The following EPHA6 variants were observed in gnomAD, a reference collection of about 807,000 sequenced individuals.
EPHA6 encodes EPH receptor A6, also known as ephrin type-A receptor 6.
Under a neutral mutation model 112.0 loss-of-function variants are expected in EPHA6, and 50 were observed. That is an observed-to-expected ratio of 0.45 (90% confidence interval 0.36 to 0.56). The LOEUF is 0.56. Ranked by LOEUF, EPHA6 falls within the 20% of genes least tolerant of loss-of-function variation. The pLI, the probability that EPHA6 is intolerant of heterozygous loss-of-function variation, is 0.00. For synonymous variants in EPHA6, 529 were observed against 490.7 expected (o/e 1.08, Z -1.03); for missense variants, 1,280 against 1,417.4 (o/e 0.90, Z 1.56).
At chr3:97,675,873 G>A (rs1216863162) in intron 14 of EPHA6, among the ~76,000 whole-genome samples, 1 of 152,036 alleles carries the variant, frequency 6.6e-6, no homozygotes, top group Admixed American at 6.6e-5. Flanking sequence ...AAAAGTGGAG[G>A]AATTAAAAGT....
intron 5 of EPHA6, among the ~76,000 whole-genome samples, chr3:97,347,066 A>G (rs897896598): frequency 6.6e-6 from 1 of 152,100 alleles, no homozygotes; most frequent in African/African-American, 2.4e-5. Context: ...GAAAAATGGT[A>G]ATTGGAGAGA....
At chr3:97,414,715 T>C (rs955626673) in intron 6 of EPHA6, among the ~76,000 whole-genome samples, 11 of 152,022 alleles carry the variant, frequency 7.2e-5, no homozygotes, top group Non-Finnish European at 1.5e-4. Flanking sequence ...ATTTTTGCCT[T>C]GGAGAGTAAA....
chr3:97,250,231 T>C (rs2079096847), intron 5 of EPHA6, among the ~76,000 whole-genome samples: 2 of 152,344 alleles, frequency 1.3e-5, no homozygotes, highest in Admixed American at 1.3e-4. Context: ...GTTCACTAAA[T>C]CCTCTGGTGC....
At chr3:97,305,115 C>G (rs965187225) in intron 5 of EPHA6, among the ~76,000 whole-genome samples, 2 of 151,940 alleles carry the variant, frequency 1.3e-5, no homozygotes, top group African/African-American at 2.4e-5. Flanking sequence ...ATCTGGCCAA[C>G]AAACATCTGA....
At chr3:97,217,752 T>C (rs1331370478) in intron 3 of EPHA6, among the ~76,000 whole-genome samples, 1 of 152,166 alleles carries the variant, frequency 6.6e-6, no homozygotes, top group Non-Finnish European at 1.5e-5. Flanking sequence ...ATGGTCCATG[T>C]AGGGAGTGGC....
chr3:97,311,592 A>G (rs1478193603), intron 5 of EPHA6, among the ~76,000 whole-genome samples: 2 of 151,730 alleles, frequency 1.3e-5, no homozygotes, highest in African/African-American at 4.8e-5. Context: ...AAGAAATTTA[A>G]AAATTCAAAT....
Position 97,110,506 on chromosome 3 carries a change from C to T in EPHA6, c.1115-115758C>T, listed in dbSNP as rs553262497. On this transcript the variant is annotated intron_variant, in intron 3 of 17. Transcript: ENST00000389672. ...CAGAAATGTTAGATTGCCAGTATAA[C>T]TCCTTCATTTTATTATATTATTTAT... 2.6e-5 allele frequency among the ~76,000 whole-genome samples: 4 copies of T among 151,392 alleles called. No homozygotes were observed. The East Asian group carries it at 7.8e-4, about 29-fold the overall frequency.
intron 11 of EPHA6, among the ~76,000 whole-genome samples, chr3:97,574,415 G>C (rs993087195): frequency 6.6e-6 from 1 of 152,098 alleles, no homozygotes; most frequent in African/African-American, 2.4e-5. Context: ...ATGTGGGTTA[G>C]AAAGGCAAAG....
intron 3 of EPHA6, among the ~76,000 whole-genome samples, chr3:97,206,732 A>G (rs994924570): frequency 7.9e-5 from 12 of 152,086 alleles, no homozygotes; most frequent in African/African-American, 2.9e-4. Flanking sequence ...TTATCTCTTC[A>G]GGGACTAGGT....
At chr3:97,662,792 G>C (rs1351807028) in intron 14 of EPHA6, among the ~76,000 whole-genome samples, 1 of 152,198 alleles carries the variant, frequency 6.6e-6, no homozygotes, top group African/African-American at 2.4e-5. Context: ...CTGTATCCAA[G>C]TGACGAGCTA....
chr3:97,030,452 G>C (rs1281303704), intron 3 of EPHA6, among the ~76,000 whole-genome samples: 1 of 152,048 alleles, frequency 6.6e-6, no homozygotes, highest in African/African-American at 2.4e-5. Flanking sequence ...TCCAGAGTTA[G>C]AGCCATAGAG....
At chr3:97,094,056 C>T (rs949461916) in intron 3 of EPHA6, among the ~76,000 whole-genome samples, 5 of 152,108 alleles carry the variant, frequency 3.3e-5, no homozygotes, top group Non-Finnish European at 5.9e-5. Context: ...ACCCTTACAG[C>T]GTTAGAAAAC....
At chr3:97,125,643 C>G (rs2048163393) in intron 3 of EPHA6, among the ~76,000 whole-genome samples, 1 of 152,098 alleles carries the variant, frequency 6.6e-6, no homozygotes, top group Non-Finnish European at 1.5e-5. Flanking sequence ...TTCTCTCCTT[C>G]TTCCAAGAGA....
At chr3:97,219,960 G>C (rs1344750973) in intron 3 of EPHA6, among the ~76,000 whole-genome samples, 1 of 152,134 alleles carries the variant, frequency 6.6e-6, no homozygotes, top group Non-Finnish European at 1.5e-5. Flanking sequence ...TGAATGCTTT[G>C]CTGCTTAGAA....
intron 3 of EPHA6, among the ~76,000 whole-genome samples, chr3:97,157,904 A>T (rs2108391755): frequency 6.6e-6 from 1 of 152,250 alleles, no homozygotes; most frequent in Non-Finnish European, 1.5e-5. Context: ...CCAGATTAAT[A>T]TTTGGTCAAA....
intron 2 of EPHA6, among the ~76,000 whole-genome samples, chr3:96,946,428 C>A (rs542918343): frequency 6.7e-6 from 1 of 150,040 alleles, no homozygotes; most frequent in South Asian, 2.2e-4. Flanking sequence ...TGCGGTGTTT[C>A]GTTTTTTGTT....
intron 14 of EPHA6, among the ~76,000 whole-genome samples, chr3:97,638,900 T>C (rs1265999458): frequency 6.6e-6 from 1 of 152,184 alleles, no homozygotes; most frequent in Non-Finnish European, 1.5e-5. Flanking sequence ...ATTTTTATTA[T>C]ATTCTTATTT....
chr3:97,131,536 T>G (rs2075622632), intron 3 of EPHA6, among the ~76,000 whole-genome samples: 1 of 152,120 alleles, frequency 6.6e-6, no homozygotes, highest in Non-Finnish European at 1.5e-5. Context: ...TCTGTGAATT[T>G]TTATTGTATT....
At chr3:97,453,499 TA>T (rs1244194374) in intron 7 of EPHA6, among the ~76,000 whole-genome samples, 3 of 151,876 alleles carry the variant, frequency 2.0e-5, no homozygotes, top group Admixed American at 2.0e-4. Flanking sequence ...GTCAGCATTT[TA>T]AAATGTATTA....
Sources: allele counts gnomAD v4.1 joint callset (sites outside exome capture counted in the v4.1 genomes callset), GRCh38; gene constraint gnomAD v4.1.1; transcripts MANE v1.5; gene names NCBI Gene and HGNC (gene_info 2026-07-23, HGNC 2026-07-21).